The following C8A variants were observed in gnomAD, a reference collection of about 807,000 sequenced individuals.
C8A encodes complement C8 alpha chain.
A neutral mutation model predicts 65.3 loss-of-function variants in C8A; 67 were observed. That is an observed-to-expected ratio of 1.03 (90% CI 0.84 to 1.26). The LOEUF (loss-of-function observed/expected upper bound fraction) is 1.26. C8A is among the 50% of genes most tolerant of loss of function. The probability of loss-of-function intolerance (pLI) is 0.00; values close to 1 mark genes in which losing one functional copy is unlikely to be tolerated. For missense variants in C8A, 781 were observed against 723.9 expected (o/e 1.08, Z -0.90); for synonymous variants, 290 against 259.4 (o/e 1.12, Z -1.13).
chr1:56,867,318 A>T (rs1644100334), intron 1 of C8A, among the ~76,000 whole-genome samples: 2 of 152,300 alleles, frequency 1.3e-5, no homozygotes, highest in South Asian at 2.1e-4. Context: ...GCTTTCTGCT[A>T]CTTTGGCTCT....
At chr1:56,887,144 C>A (rs966810703) in intron 7 of C8A, among the ~76,000 whole-genome samples, 7 of 152,176 alleles carry the variant, frequency 4.6e-5, no homozygotes, top group African/African-American at 1.7e-4. Context: ...ACTGCATCAT[C>A]CCAGGCTGGC....
rs1644315134 is a variant in C8A at position 56,888,049 on chromosome 1, T to C, written c.1096+1882T>C. ...CTAATGTAGATGACGGGTTGATGGA[T>C]GCAGCAAACCACCATGGCATGGGTA... On this transcript the variant is annotated intron_variant, in intron 7 of 10. Coordinates refer to ENST00000361249, the MANE Select transcript of C8A (RefSeq NM_000562.3). 2.6e-5 allele frequency among the ~76,000 whole-genome samples: 4 copies of C among 152,234 alleles called. No homozygotes were observed. In the South Asian group the frequency reaches 8.3e-4, roughly 32 times the overall value.
chr1:56,898,934 T>C (rs572922886), intron 7 of C8A, among the ~76,000 whole-genome samples: 7 of 152,292 alleles, frequency 4.6e-5, no homozygotes, highest in East Asian at 3.9e-4. Context: ...AAAGGTCCTA[T>C]GTTCATGGCT....
chr1:56,888,582 C>G (rs1178355981), intron 7 of C8A, among the ~76,000 whole-genome samples: 1 of 152,074 alleles, frequency 6.6e-6, no homozygotes, highest in Non-Finnish European at 1.5e-5. Context: ...TAAATTATTA[C>G]TTCAATAAAT....
chr1:56,886,023 T>C lies in C8A; in HGVS notation c.952T>C (p.Leu318=). 1 of 1,614,084 alleles carries C rather than the reference T, an allele frequency of 6.2e-7. No homozygotes were observed. The highest frequency in any genetic ancestry group is 1.1e-5 in the South Asian group (1 of 91,092). Residue 318 remains leucine (L), a synonymous_variant, in exon 7 of 11, where the codon TTA becomes CTA. Transcript: ENST00000361249. ...GCTGGATGAAGGAATGCTGCAGTCA[T>C]TAATGGAGCTTCCAGATCAGTACAA... is the stretch of plus-strand genomic sequence containing the variant. ...IMLDEGMLQS[L]MELPDQYNYG... is the part of the protein sequence containing the mutation.
intron 2 of C8A, among the ~76,000 whole-genome samples, chr1:56,871,811 G>A (rs1262435352): frequency 6.6e-6 from 1 of 152,206 alleles, no homozygotes; most frequent in African/African-American, 2.4e-5. Context: ...GAGTAAGAAA[G>A]AAGATTGGCT....
At chr1:56,917,544 C>A in intron 10 of C8A, 21 bp from the exon 11 acceptor site, 2 of 1,614,042 alleles carry the variant, frequency 1.2e-6, no homozygotes, top group Non-Finnish European at 1.7e-6. Context: ...CCTTCTCCTC[C>A]CTGGGAAATT....
chr1:56,905,028 T>C (rs1644453276), intron 7 of C8A, among the ~76,000 whole-genome samples: 2 of 152,216 alleles, frequency 1.3e-5, no homozygotes, highest in South Asian at 4.1e-4. Context: ...ATTCTTTTCA[T>C]CCACTTTTGT....
rs148368668 is a variant in C8A at position 56,862,743 on chromosome 1, G to A, written c.78-4866G>A. 3.9e-5 allele frequency among the ~76,000 whole-genome samples: 6 copies of A among 152,194 alleles called. 1 individual carries two copies. Among genetic ancestry groups the A allele is most frequent in the Middle Eastern group, 3.4e-3 (1 of 294 alleles). On this transcript the variant is annotated intron_variant, in intron 1 of 10. Coordinates refer to ENST00000361249, the MANE Select transcript of C8A (RefSeq NM_000562.3). ...AAAGACTCCTGAGTCCCTATGCTCC[G>A]TATTAAATGTCTTACTGATTGAGTA...
Position 56,885,396 on chromosome 1 carries a change from A to T in C8A, c.856-531A>T, listed in dbSNP as rs866572150. On this transcript the variant is annotated intron_variant, in intron 6 of 10. Coordinates refer to ENST00000361249, the MANE Select transcript of C8A (RefSeq NM_000562.3). ...TATATTTATTTAAATATATATTTAA[A>T]TAAATATATATTTATTTAAATATAT... 7.1e-4 allele frequency among the ~76,000 whole-genome samples: 71 copies of T among 99,498 alleles called. 2 individuals are homozygous for T. Among genetic ancestry groups the T allele is most frequent in the South Asian group, 4.1e-3 (13 of 3,184 alleles). The allele number at this position is 99,498 out of a possible 152,430, so 65.3% of individuals were successfully genotyped here.
intron 2 of C8A, among the ~76,000 whole-genome samples, chr1:56,868,883 T>C (rs146392023): frequency 3.9e-4 from 59 of 152,304 alleles, no homozygotes; most frequent in African/African-American, 1.3e-3. Context: ...TCAGTTTCAT[T>C]ATGTATAAAT....
chr1:56,913,475 C>A (rs966515728), intron 10 of C8A, among the ~76,000 whole-genome samples: 1 of 152,160 alleles, frequency 6.6e-6, no homozygotes, highest in Non-Finnish European at 1.5e-5. Context: ...ATTAAAAGTC[C>A]ATTGCTTAAA....
At position 56,908,143 on chromosome 1, in the gene C8A, A is replaced by G. The variant is rs751646770; in HGVS notation, c.1380+30A>G. On this transcript the variant is annotated intron_variant, in intron 9 of 10. Transcript: ENST00000361249. ...GTCTTTTCGCAGTTGAAGAAACTCT[A>G]CGTCCATGAGGAATGAAAGTGAAGC... is the stretch of plus-strand genomic sequence containing the variant. The G allele has an allele frequency of 3.0e-5, 49 of 1,609,136 alleles. No homozygotes were observed. In the East Asian group the frequency reaches 9.6e-4, roughly 31 times the overall value.
intron 10 of C8A, 48 bp downstream of exon 10, chr1:56,912,673 G>A (rs751286805): frequency 6.4e-7 from 1 of 1,570,150 alleles, no homozygotes; most frequent in Non-Finnish European, 8.8e-7. Flanking sequence ...CCAGCTCAAA[G>A]GGGCCAGTGC....
rs1304214049 is a variant in C8A at position 56,875,046 on chromosome 1, G to A, written c.269G>A (p.Cys90Tyr). Residue 90 changes from cysteine to tyrosine, a missense_variant, in exon 3 of 11, where the codon TGT becomes TAT. Coordinates refer to ENST00000361249, the MANE Select transcript of C8A (RefSeq NM_000562.3). Reference protein sequence around the residue: ...DQASCSSSTTCVRQAQCGQDF... With the variant: ...DQASCSSSTTYVRQAQCGQDF... ...GCCAGCTGCTCCAGTTCTACAACTTGTGTAAGGCAAGCACAGTGTGGACAG... is the reference window on the plus strand; with the variant it reads ...GCCAGCTGCTCCAGTTCTACAACTTATGTAAGGCAAGCACAGTGTGGACAG... 36 of 1,613,646 alleles carry A rather than the reference G, an allele frequency of 2.2e-5. No homozygotes were observed. Among genetic ancestry groups the A allele is most frequent in the Non-Finnish European group, 3.1e-5 (36 of 1,179,832 alleles).
At chr1:56,907,534 C>T (rs1351607689) in intron 8 of C8A, among the ~76,000 whole-genome samples, 1 of 152,184 alleles carries the variant, frequency 6.6e-6, no homozygotes, top group Non-Finnish European at 1.5e-5. Context: ...TACTGTATAG[C>T]TAACTAGTTT....
At chr1:56,879,093 T>C (rs1312192854) in intron 4 of C8A, among the ~76,000 whole-genome samples, 1 of 152,198 alleles carries the variant, frequency 6.6e-6, no homozygotes, top group Non-Finnish European at 1.5e-5. Flanking sequence ...AATACAGCTT[T>C]TACCCTGCGA....
At chr1:56,892,340 T>C (rs559137984) in intron 7 of C8A, among the ~76,000 whole-genome samples, 7 of 152,242 alleles carry the variant, frequency 4.6e-5, no homozygotes, top group African/African-American at 1.7e-4. Context: ...ACTCCTCACC[T>C]AAGATTGACA....
intron 7 of C8A, 128 bp from the exon 8 acceptor site, chr1:56,906,539 C>G: frequency 1.0e-6 from 1 of 1,003,626 alleles, no homozygotes; most frequent in South Asian, 1.3e-5. Context: ...ATTAAAGAAC[C>G]GGGCTTTCAA....
Sources: gnomAD v4.1 joint callset for allele counts (sites outside exome capture counted in the v4.1 genomes callset) on GRCh38, gnomAD v4.1.1 for gene constraint, MANE v1.5 for transcripts, NCBI Gene and HGNC (gene_info 2026-07-23, HGNC 2026-07-21) for gene names.